The following RALGAPA1 variants were observed in gnomAD, a reference collection of about 807,000 sequenced individuals.
RALGAPA1 encodes the protein Ral GTPase activating protein catalytic subunit alpha 1.
RALGAPA1 carries 52 observed loss-of-function variants against 269.6 expected under a neutral mutation model. The observed-to-expected ratio is 0.19, with a 90% CI of 0.15 to 0.24. RALGAPA1 has a LOEUF of 0.24. Ranked by LOEUF, RALGAPA1 falls within the 10% of genes least tolerant of loss-of-function variation. RALGAPA1 has a pLI of 1.00. For synonymous variants in RALGAPA1, 817 were observed against 1,008.3 expected, an observed-to-expected ratio of 0.81 and a Z score of 3.60; for missense variants, 1,917 against 3,013.9, an observed-to-expected ratio of 0.64 and a Z score of 8.52.
At chr14:35,694,820 T>C (rs1488341563) in intron 17 of RALGAPA1, among the ~76,000 whole-genome samples, 4 of 152,158 alleles carry the variant, frequency 2.6e-5, no homozygotes, top group Admixed American at 6.5e-5. Context: ...CTCACACTTA[T>C]AATTCCAGCA....
chr14:35,663,889 C>T (rs1444276610), intron 27 of RALGAPA1, among the ~76,000 whole-genome samples: 1 of 152,104 alleles, frequency 6.6e-6, no homozygotes, highest in African/African-American at 2.4e-5. Flanking sequence ...CTGCGCCCAG[C>T]TGGGAATTTA....
chr14:35,636,958 C>T (rs1017832902), intron 31 of RALGAPA1, among the ~76,000 whole-genome samples: 1 of 152,104 alleles, frequency 6.6e-6, no homozygotes, highest in Non-Finnish European at 1.5e-5. Context: ...TGCTGTGAAT[C>T]TAAGACTGAT....
rs573484459 is a variant in RALGAPA1, at chr14:35,734,867, C to T, written c.1587+3646G>A. On this transcript the variant is annotated intron_variant, in intron 12 of 41. Coordinates refer to ENST00000680220, the MANE Select transcript of RALGAPA1 (RefSeq NM_001346249.2). Reference sequence around the variant, plus strand: ...ATAAATCAGTAAGAAAAAAAACAAACGATCCCATCAAAAAGTGGGCTAAGG... The same window carrying T: ...ATAAATCAGTAAGAAAAAAAACAAATGATCCCATCAAAAAGTGGGCTAAGG... Among the ~76,000 whole-genome samples the T allele has an allele frequency of 3.3e-5, 5 of 151,822 alleles. No homozygotes were observed. In the South Asian group the frequency reaches 1.0e-3, roughly 32 times the overall value.
chr14:35,794,205 TG>T (rs1397561879), intron 1 of RALGAPA1, among the ~76,000 whole-genome samples: 11 of 152,276 alleles, frequency 7.2e-5, no homozygotes, highest in Non-Finnish European at 1.5e-4. Context: ...CTGCGCACAG[TG>T]GCTCATGCCT....
intron 17 of RALGAPA1, among the ~76,000 whole-genome samples, chr14:35,693,554 C>G (rs1417932353): frequency 6.6e-6 from 1 of 151,832 alleles, no homozygotes. Flanking sequence ...AGAACGATCA[C>G]CCATGTTCAG....
chr14:35,566,657 A>G (rs2056733712), intron 39 of RALGAPA1, among the ~76,000 whole-genome samples: 1 of 151,860 alleles, frequency 6.6e-6, no homozygotes, highest in Non-Finnish European at 1.5e-5. Flanking sequence ...ACGTAATCTG[A>G]TATTTCAAAA....
intron 10 of RALGAPA1, among the ~76,000 whole-genome samples, chr14:35,742,806 C>A (rs12100634): frequency 0.18 from 26,242 of 148,364 alleles, 4,230 homozygotes; most frequent in East Asian, 0.45. Flanking sequence ...ATAGAGACCA[C>A]AACACTTACA....
At position 35,795,814 on chromosome 14, in the gene RALGAPA1, CAAA is replaced by C. The variant is rs35882089; in HGVS notation, c.106+12913_106+12915del. On this transcript the variant is annotated intron_variant, in intron 1 of 41. Coordinates refer to ENST00000680220, the MANE Select transcript of RALGAPA1 (RefSeq NM_001346249.2). ...ACATAGCAAAACCCCATTTCTCTAC[CAAA>C]AAAAAAAAAAAAAAAATTAGCTGGG... Among the ~76,000 whole-genome samples, 768 of 122,250 alleles carry C rather than the reference CAAA, an allele frequency of 6.3e-3. 8 individuals carry two copies. Among genetic ancestry groups the C allele is most frequent in the African/African-American group, 0.02 (707 of 34,920 alleles). The allele number at this position is 122,250 out of a possible 152,430, so 80.2% of individuals were successfully genotyped here.
intron 35 of RALGAPA1, among the ~76,000 whole-genome samples, chr14:35,611,629 A>C (rs1333733157): frequency 6.6e-6 from 1 of 150,888 alleles, no homozygotes. Flanking sequence ...ACTGGGGAGG[A>C]TGAGGTGAGG....
chr14:35,606,770 A>AC (rs1652413670), intron 35 of RALGAPA1, among the ~76,000 whole-genome samples: 1 of 151,300 alleles, frequency 6.6e-6, no homozygotes, highest in Admixed American at 6.6e-5. Flanking sequence ...AAAAAAAAAA[A>AC]CCCTGCAACA....
At chr14:35,587,570 G>A (rs2058378758) in intron 37 of RALGAPA1, among the ~76,000 whole-genome samples, 1 of 152,114 alleles carries the variant, frequency 6.6e-6, no homozygotes, top group African/African-American at 2.4e-5. Flanking sequence ...TCCTTTGCAG[G>A]GACATGGATG....
At chr14:35,750,132 C>T (rs73252329) in intron 9 of RALGAPA1, among the ~76,000 whole-genome samples, 28 of 152,052 alleles carry the variant, frequency 1.8e-4, no homozygotes, top group African/African-American at 6.5e-4. Context: ...TTTGTGAATG[C>T]CCCCAAATTA....
chr14:35,786,443 C>T (rs201437208), intron 1 of RALGAPA1, among the ~76,000 whole-genome samples: 2 of 151,754 alleles, frequency 1.3e-5, no homozygotes, highest in Non-Finnish European at 2.9e-5. Context: ...GTCAGAAGAT[C>T]GAGACCATCC....
intron 37 of RALGAPA1, among the ~76,000 whole-genome samples, chr14:35,594,365 G>T (rs140844739): frequency 6.6e-6 from 1 of 152,068 alleles, no homozygotes. Flanking sequence ...TTTGCAAACC[G>T]CTTATCTATT....
chr14:35,716,746 G>C (rs2068864396), intron 16 of RALGAPA1, among the ~76,000 whole-genome samples: 1 of 152,064 alleles, frequency 6.6e-6, no homozygotes, highest in Non-Finnish European at 1.5e-5. Flanking sequence ...ATGATACTGT[G>C]TTTTTGAAGA....
chr14:35,720,797 G>A (rs763751030), intron 16 of RALGAPA1, among the ~76,000 whole-genome samples: 7 of 152,070 alleles, frequency 4.6e-5, no homozygotes, highest in Non-Finnish European at 1.0e-4. Context: ...GGTGGCAGGC[G>A]CCTGTAGTCC....
intron 39 of RALGAPA1, among the ~76,000 whole-genome samples, chr14:35,563,124 T>A (rs1164850296): frequency 6.6e-6 from 1 of 150,478 alleles, no homozygotes; most frequent in African/African-American, 2.4e-5. Context: ...AATAAATTAC[T>A]AGCCATCTAC....
At chr14:35,597,628 T>C (rs1023292477) in intron 36 of RALGAPA1, among the ~76,000 whole-genome samples, 4 of 152,184 alleles carry the variant, frequency 2.6e-5, no homozygotes, top group African/African-American at 9.6e-5. Context: ...ATTGATATAG[T>C]TAAGAGAGCA....
In RALGAPA1 at chr14:35,674,166, T is replaced by C. The variant is rs2064745913; in HGVS notation, c.4917+14A>G. The C allele has an allele frequency of 6.4e-7, 1 of 1,550,528 alleles. No homozygotes were observed. Among genetic ancestry groups the C allele is most frequent in the South Asian group, 1.2e-5 (1 of 85,938 alleles). On this transcript the variant is annotated intron_variant, in intron 24 of 41. Coordinates refer to ENST00000680220, the MANE Select transcript of RALGAPA1 (RefSeq NM_001346249.2). Reference sequence around the variant, plus strand: ...TGAGAAGTTTTAAACTAATATTTTATATATTAAGCTTACCTTAAAAAGCCA... The same window carrying C: ...TGAGAAGTTTTAAACTAATATTTTACATATTAAGCTTACCTTAAAAAGCCA...
Sources: allele counts gnomAD v4.1 joint callset (sites outside exome capture counted in the v4.1 genomes callset), GRCh38; gene constraint gnomAD v4.1.1; transcripts MANE v1.5; gene names NCBI Gene and HGNC (gene_info 2026-07-23, HGNC 2026-07-21).